COBLL1: variants seen among roughly 807,000 people sequenced by gnomAD.
COBLL1 encodes the protein cordon-bleu WH2 repeat protein like 1, also known as cordon-bleu protein-like 1.
In COBLL1, 50 loss-of-function variants were observed where a neutral mutation model predicts 94.8. The observed-to-expected ratio is 0.53, with a 90% CI of 0.42 to 0.67. The LOEUF (loss-of-function observed/expected upper bound fraction) is 0.67. COBLL1 is among the 30% of genes least tolerant of loss of function. COBLL1 has a pLI of 0.00. For missense variants in COBLL1, 1,362 were observed against 1,348.7 expected (o/e 1.01, Z -0.15); for synonymous variants, 448 against 473.8 (o/e 0.95, Z 0.71).
At chr2:164,821,649 G>T (rs1457957922) in intron 2 of COBLL1, among the ~76,000 whole-genome samples, 1 of 152,162 alleles carries the variant, frequency 6.6e-6, no homozygotes, top group Non-Finnish European at 1.5e-5. Flanking sequence ...AAAGTTTAGG[G>T]AAAGAACATA....
chr2:164,818,299 T>C (rs966318751), intron 2 of COBLL1, among the ~76,000 whole-genome samples: 1 of 142,018 alleles, frequency 7.0e-6, no homozygotes. Context: ...TATGTATACA[T>C]ATGTATACAT....
chr2:164,727,410 T>C (rs534698471), intron 5 of COBLL1, among the ~76,000 whole-genome samples: 1 of 152,198 alleles, frequency 6.6e-6, no homozygotes, highest in South Asian at 2.1e-4. Flanking sequence ...ATCTAAGATC[T>C]CCAAATTTTA....
chr2:164,730,915 T>C (rs1228519050), intron 3 of COBLL1, among the ~76,000 whole-genome samples: 1 of 152,186 alleles, frequency 6.6e-6, no homozygotes, highest in African/African-American at 2.4e-5. Context: ...TCTTTAATCA[T>C]CCAAAGGTTA....
At chr2:164,745,246 A>G (rs1402862740) in intron 2 of COBLL1, among the ~76,000 whole-genome samples, 1 of 152,178 alleles carries the variant, frequency 6.6e-6, no homozygotes, top group Non-Finnish European at 1.5e-5. Flanking sequence ...AGGTTCCTAC[A>G]ATGTACATTC....
In COBLL1 at chr2:164,763,967, G is replaced by C. The variant is rs1363953753; in HGVS notation, c.42-20092C>G. ...GCTGGAGTGCAGGGGCGTAACTGTG[G>C]CTTACTGCAGCCACGACCTATTGGC... On this transcript the variant is annotated intron_variant, in intron 2 of 13. Coordinates refer to ENST00000652658, the MANE Select transcript of COBLL1 (RefSeq NM_001365672.2). Among the ~76,000 whole-genome samples, 3 of 152,154 alleles carry C rather than the reference G, an allele frequency of 2.0e-5. No individual in the cohort carries two copies. In the East Asian group the frequency reaches 5.8e-4, roughly 29 times the overall value.
chr2:164,685,667 A>G lies in COBLL1; in HGVS notation c.*279T>C, dbSNP rs1683239107. On this transcript the variant is annotated 3_prime_UTR_variant, in exon 14 of 14. Transcript: ENST00000652658. ...CTGGTAAGTGAAATCAATACAAAGG[A>G]ATTATTTTTCATTTGTAAAAAATGA... is the stretch of plus-strand genomic sequence containing the variant. The G allele has an allele frequency of 7.8e-6, 2 of 256,654 alleles. No homozygotes were observed. The allele number at this position is 256,654 out of a possible 1,614,324, so 15.9% of individuals were successfully genotyped here. A position where few individuals can be genotyped will look rare whatever the true frequency, so the allele number is the denominator to read the frequency against.
downstream of COBLL1, among the ~76,000 whole-genome samples, chr2:164,679,303 A>C (rs1173989074): frequency 2.0e-5 from 3 of 152,164 alleles, no homozygotes; most frequent in African/African-American, 7.2e-5. Flanking sequence ...ATCAGGTTTC[A>C]AAATGGCAGA....
chr2:164,762,544 A>T (rs1177978426), intron 2 of COBLL1, among the ~76,000 whole-genome samples: 1 of 152,232 alleles, frequency 6.6e-6, no homozygotes, highest in African/African-American at 2.4e-5. Flanking sequence ...GTCTCGTTTA[A>T]TCAATATATC....
intron 2 of COBLL1, among the ~76,000 whole-genome samples, chr2:164,820,819 G>A (rs1268898279): frequency 6.6e-6 from 1 of 152,148 alleles, no homozygotes; most frequent in African/African-American, 2.4e-5. Flanking sequence ...AAGAAAAAGT[G>A]CAACTGTGTG....
At chr2:164,782,142 T>C (rs1688747632) in intron 2 of COBLL1, among the ~76,000 whole-genome samples, 1 of 152,174 alleles carries the variant, frequency 6.6e-6, no homozygotes, top group Admixed American at 6.6e-5. Flanking sequence ...TCCCACAAAT[T>C]ACAAAAGTGA....
In COBLL1 at chr2:164,759,448, T is replaced by C. The variant is rs553431573; in HGVS notation, c.42-15573A>G. ...ATTTAAAACATAAACTTAAAAAATT[T>C]ATAGATAAAAACATAAGAAAAAAAT... is the stretch of plus-strand genomic sequence containing the variant. On this transcript the variant is annotated intron_variant, in intron 2 of 13. Transcript: ENST00000652658. Among the ~76,000 whole-genome samples the C allele has an allele frequency of 2.6e-5, 4 of 152,212 alleles. No individual in the cohort carries two copies. The South Asian group carries it at 8.3e-4, about 32-fold the overall frequency.
chr2:164,767,056 A>G (rs1056924932), intron 2 of COBLL1, among the ~76,000 whole-genome samples: 1 of 152,240 alleles, frequency 6.6e-6, no homozygotes, highest in Non-Finnish European at 1.5e-5. Context: ...TAATAAAGAA[A>G]GATGTAGTGG....
chr2:164,670,942 T>C (rs1691232964), intron 1 of COBLL1, among the ~76,000 whole-genome samples: 1 of 152,222 alleles, frequency 6.6e-6, no homozygotes, highest in African/African-American at 2.4e-5. Flanking sequence ...CTGGGTGCTT[T>C]CACCAGTATT....
rs570452421 is a variant in COBLL1 at position 164,693,965 on chromosome 2, C to G, written c.3123+304G>C. Among the ~76,000 whole-genome samples the G allele has an allele frequency of 1.3e-4, 20 of 152,082 alleles. No individual in the cohort carries two copies. In the East Asian group the frequency reaches 3.7e-3, roughly 28 times the overall value. On this transcript the variant is annotated intron_variant, in intron 12 of 13. Coordinates refer to ENST00000652658, the MANE Select transcript of COBLL1 (RefSeq NM_001365672.2). ...AAGTTAAAAACAAATTAAGATAACA[C>G]AGGAAAATAGAACCATTAACTAGTA... is the stretch of plus-strand genomic sequence containing the variant.
intron 2 of COBLL1, among the ~76,000 whole-genome samples, chr2:164,777,298 C>T (rs1248940770): frequency 6.7e-6 from 1 of 150,276 alleles, no homozygotes; most frequent in Non-Finnish European, 1.5e-5. Context: ...AAATAATATG[C>T]CAGGAAGAAC....
intron 2 of COBLL1, among the ~76,000 whole-genome samples, chr2:164,797,936 A>G (rs1019477060): frequency 1.3e-5 from 2 of 152,244 alleles, no homozygotes; most frequent in Non-Finnish European, 2.9e-5. Flanking sequence ...TCTCTACATC[A>G]TTACACTAAG....
chr2:164,838,029 G>A (rs1683405343), intron 2 of COBLL1, among the ~76,000 whole-genome samples: 1 of 152,058 alleles, frequency 6.6e-6, no homozygotes, highest in African/African-American at 2.4e-5. Context: ...TCAAAAGAAA[G>A]GGATCTAATC....
rs1204707905 is a variant in COBLL1 at position 164,680,203 on chromosome 2, AATTT to A, written c.*5739_*5742del. On this transcript the variant is annotated 3_prime_UTR_variant, in exon 14 of 14. Coordinates refer to ENST00000652658, the MANE Select transcript of COBLL1 (RefSeq NM_001365672.2). ...GTCACTGTAACAGGAGTGTCTCAAT[AATTT>A]ATTTATTGACTTTATTATAATTTCA... 1 of 152,096 alleles carries A rather than the reference AATTT, an allele frequency of 6.6e-6. No homozygotes were observed. Among genetic ancestry groups the A allele is most frequent in the African/African-American group, 2.4e-5 (1 of 41,414 alleles). The allele number at this position is 152,096 out of a possible 1,614,324, so 9.4% of individuals were successfully genotyped here.
At chr2:164,792,615 C>T (rs1484892408) in intron 2 of COBLL1, among the ~76,000 whole-genome samples, 1 of 152,154 alleles carries the variant, frequency 6.6e-6, no homozygotes, top group Admixed American at 6.5e-5. Context: ...CCTCAACTTT[C>T]AAATTGAGTA....
Sources: allele counts gnomAD v4.1 joint callset (sites outside exome capture counted in the v4.1 genomes callset), GRCh38; gene constraint gnomAD v4.1.1; transcripts MANE v1.5; gene names NCBI Gene and HGNC (gene_info 2026-07-23, HGNC 2026-07-21).